Variants in PIK3C2G observed in about 807,000 individuals in gnomAD.
PIK3C2G encodes phosphatidylinositol-4-phosphate 3-kinase catalytic subunit type 2 gamma.
A neutral mutation model predicts 181.1 loss-of-function variants in PIK3C2G; 168 were observed. The ratio of observed to expected loss-of-function variants is 0.93; its 90% CI spans 0.82 to 1.05. PIK3C2G has a LOEUF of 1.05. PIK3C2G is among the 50% of genes least tolerant of loss of function. The pLI is 0.00. For synonymous variants in PIK3C2G, 573 were observed against 592.2 expected (o/e 0.97, Z 0.47); for missense variants, 1,869 against 1,732.8 (o/e 1.08, Z -1.40).
chr12:18,627,280 T>A (rs917409319), intron 31 of PIK3C2G, among the ~76,000 whole-genome samples: 26 of 152,252 alleles, frequency 1.7e-4, no homozygotes, highest in African/African-American at 6.3e-4. Flanking sequence ...AGTACTGTTT[T>A]CCAAATTTTA....
At chr12:18,473,783 G>A (rs565798508) in intron 18 of PIK3C2G, among the ~76,000 whole-genome samples, 1 of 152,140 alleles carries the variant, frequency 6.6e-6, no homozygotes, top group Non-Finnish European at 1.5e-5. Context: ...TTTCACTGAT[G>A]CTTTTGACAA....
intron 18 of PIK3C2G, among the ~76,000 whole-genome samples, chr12:18,467,608 G>T (rs1305140600): frequency 6.6e-6 from 1 of 151,814 alleles, no homozygotes; most frequent in Admixed American, 6.6e-5. Flanking sequence ...GATAAATTTG[G>T]TCCTTCCCTG....
chr12:18,275,789 C>T (rs1948961613), intron 1 of PIK3C2G, among the ~76,000 whole-genome samples: 1 of 152,168 alleles, frequency 6.6e-6, no homozygotes, highest in African/African-American at 2.4e-5. Context: ...TCCTCTTCCT[C>T]TTCTCAAATC....
intron 16 of PIK3C2G, among the ~76,000 whole-genome samples, chr12:18,409,484 T>G (rs544831057): frequency 6.6e-6 from 1 of 152,098 alleles, no homozygotes; most frequent in South Asian, 2.1e-4. Context: ...CACCATGGCA[T>G]GTGTATACCT....
chr12:18,594,048 G>T (rs1451154917), intron 29 of PIK3C2G, among the ~76,000 whole-genome samples: 5 of 151,886 alleles, frequency 3.3e-5, no homozygotes, highest in Non-Finnish European at 7.4e-5. Flanking sequence ...AGTGTAGTCA[G>T]TACTCAGCGA....
intron 5 of PIK3C2G, among the ~76,000 whole-genome samples, chr12:18,302,102 G>A (rs1950200141): frequency 1.3e-5 from 2 of 152,292 alleles, no homozygotes; most frequent in African/African-American, 2.4e-5. Flanking sequence ...TGGTAGTGGT[G>A]GACCAACCAT....
At chr12:18,715,504 C>T in the PIK3C2G span, among the ~76,000 whole-genome samples, 8 of 151,858 alleles carry the variant, frequency 5.3e-5, no homozygotes, top group African/African-American at 1.9e-4. Context: ...CGGGTTCACG[C>T]CATTCTCCTG....
At chr12:18,451,260 G>A (rs1005429342) in intron 18 of PIK3C2G, among the ~76,000 whole-genome samples, 4 of 152,048 alleles carry the variant, frequency 2.6e-5, no homozygotes, top group Admixed American at 2.0e-4. Context: ...CCTGAGCGGT[G>A]GTTTGTAGTT....
At chr12:18,297,349 A>C (rs1234907091) in intron 5 of PIK3C2G, among the ~76,000 whole-genome samples, 1 of 151,882 alleles carries the variant, frequency 6.6e-6, no homozygotes, top group African/African-American at 2.4e-5. Flanking sequence ...CTAACCAAAA[A>C]ACCACTCCAG....
intron 18 of PIK3C2G, among the ~76,000 whole-genome samples, chr12:18,463,223 C>T (rs1318270096): frequency 2.6e-5 from 4 of 152,122 alleles, no homozygotes; most frequent in Non-Finnish European, 5.9e-5. Flanking sequence ...AATTTTATAA[C>T]ATATAGAATG....
intron 16 of PIK3C2G, among the ~76,000 whole-genome samples, chr12:18,401,817 G>A (rs1944265544): frequency 6.6e-6 from 1 of 151,988 alleles, no homozygotes; most frequent in South Asian, 2.1e-4. Context: ...TAACACCTAA[G>A]ATACCATACT....
chr12:18,396,720 A>G (rs188069283), intron 15 of PIK3C2G, among the ~76,000 whole-genome samples: 13 of 151,750 alleles, frequency 8.6e-5, no homozygotes, highest in Admixed American at 8.5e-4. Context: ...TTAGTAAATT[A>G]TTTAATAAAA....
At chr12:18,568,825 C>G (rs1005105172) in intron 29 of PIK3C2G, among the ~76,000 whole-genome samples, 4 of 152,154 alleles carry the variant, frequency 2.6e-5, no homozygotes, top group African/African-American at 9.7e-5. Context: ...ATGCCCCTCA[C>G]CACTTTGGTA....
chr12:18,518,423 G>C (rs755832346), intron 24 of PIK3C2G, among the ~76,000 whole-genome samples: 4 of 152,090 alleles, frequency 2.6e-5, no homozygotes, highest in Admixed American at 6.6e-5. Flanking sequence ...CTTGTTCTTG[G>C]TATATTCAGG....
intron 18 of PIK3C2G, among the ~76,000 whole-genome samples, chr12:18,450,734 T>C (rs1467803708): frequency 6.6e-6 from 1 of 152,190 alleles, no homozygotes; most frequent in African/African-American, 2.4e-5. Context: ...CTTTAATCCA[T>C]CTTGAGTTAA....
intron 29 of PIK3C2G, among the ~76,000 whole-genome samples, chr12:18,577,319 C>T (rs1251824018): frequency 1.3e-5 from 2 of 152,064 alleles, no homozygotes; most frequent in East Asian, 1.9e-4. Context: ...GGACATAAGA[C>T]CAAAACCACC....
At chr12:18,616,247 T>C (rs140320080) in intron 31 of PIK3C2G, among the ~76,000 whole-genome samples, 95 of 152,262 alleles carry the variant, frequency 6.2e-4, no homozygotes, top group Middle Eastern at 3.4e-3. Flanking sequence ...TTCAATTGTA[T>C]TGAGAATTCG....
chr12:18,704,131 A>C, the PIK3C2G span, among the ~76,000 whole-genome samples: 1 of 152,148 alleles, frequency 6.6e-6, no homozygotes, highest in Non-Finnish European at 1.5e-5. Flanking sequence ...AAGGAAGTGG[A>C]GGTCGACAGT....
chr12:18,658,508 G>A, the PIK3C2G span, among the ~76,000 whole-genome samples: 6 of 152,192 alleles, frequency 3.9e-5, no homozygotes, highest in South Asian at 4.1e-4. Context: ...ACAGACCATG[G>A]AGGCCAGACA....
Sources: allele counts gnomAD v4.1 joint callset (sites outside exome capture counted in the v4.1 genomes callset), GRCh38; gene constraint gnomAD v4.1.1; transcripts MANE v1.5; gene names NCBI Gene and HGNC (gene_info 2026-07-23, HGNC 2026-07-21).